The following MAGI2 variants were observed in gnomAD, a reference collection of about 807,000 sequenced individuals.
The protein encoded by MAGI2 is membrane-associated guanylate kinase, WW and PDZ domain-containing protein 2.
Under a neutral mutation model 133.3 loss-of-function variants are expected in MAGI2, and 35 were observed. The observed-to-expected ratio is 0.26, with a 90% CI of 0.20 to 0.35. The LOEUF is 0.35. MAGI2 is among the 10% of genes least tolerant of loss of function. MAGI2 has a pLI of 1.00. For missense variants in MAGI2, 1,636 were observed against 1,863.4 expected (o/e 0.88, Z 2.25); for synonymous variants, 729 against 710.6 (o/e 1.03, Z -0.41).
At chr7:78,349,191 T>C (rs1033281559) in intron 7 of MAGI2, among the ~76,000 whole-genome samples, 2 of 152,214 alleles carry the variant, frequency 1.3e-5, no homozygotes, top group Non-Finnish European at 2.9e-5. Context: ...ACAGGATACA[T>C]GTGTTATTTA....
chr7:78,625,332 ATAAAAT>A (rs1584887019), intron 3 of MAGI2, among the ~76,000 whole-genome samples: 1 of 152,142 alleles, frequency 6.6e-6, no homozygotes, highest in East Asian at 1.9e-4. Flanking sequence ...TATAGTAATT[ATAAAAT>A]TAAAACAATT....
intron 1 of MAGI2, among the ~76,000 whole-genome samples, chr7:79,327,703 ACT>A (rs1839798409): frequency 1.3e-5 from 2 of 152,160 alleles, no homozygotes; most frequent in East Asian, 3.9e-4. Flanking sequence ...ACTCACTCAC[ACT>A]CACACACACC....
chr7:78,643,000 C>T (rs781076217), intron 2 of MAGI2, among the ~76,000 whole-genome samples: 2 of 152,158 alleles, frequency 1.3e-5, no homozygotes, highest in Non-Finnish European at 2.9e-5. Flanking sequence ...ACTTGGCATT[C>T]AGATAGAATC....
intron 20 of MAGI2, among the ~76,000 whole-genome samples, chr7:78,108,372 A>C (rs1006580127): frequency 2.6e-5 from 4 of 152,172 alleles, no homozygotes; most frequent in African/African-American, 9.7e-5. Context: ...GAATTTTTTA[A>C]GACTTGTTTT....
chr7:78,233,604 A>G (rs2150881764), intron 10 of MAGI2, among the ~76,000 whole-genome samples: 1 of 152,278 alleles, frequency 6.6e-6, no homozygotes, highest in East Asian at 1.9e-4. Flanking sequence ...AGGATGAAAG[A>G]AAAGAGAAAA....
chr7:78,196,250 G>A (rs543814366), intron 11 of MAGI2, among the ~76,000 whole-genome samples: 2 of 150,734 alleles, frequency 1.3e-5, no homozygotes, highest in East Asian at 1.9e-4. Flanking sequence ...CTTGCTGACC[G>A]CCCTGTCCCT....
intron 1 of MAGI2, among the ~76,000 whole-genome samples, chr7:79,028,764 G>C (rs552437125): frequency 3.3e-5 from 5 of 152,150 alleles, no homozygotes; most frequent in Non-Finnish European, 7.4e-5. Context: ...ACTTTTAAAA[G>C]TCCAGGAATG....
chr7:78,338,558 C>T (rs540977446), intron 9 of MAGI2, among the ~76,000 whole-genome samples: 2 of 152,244 alleles, frequency 1.3e-5, no homozygotes, highest in South Asian at 4.1e-4. Context: ...TTTTGCATCC[C>T]TAGTAATTTG....
intron 1 of MAGI2, among the ~76,000 whole-genome samples, chr7:79,185,578 G>T (rs533198267): frequency 6.8e-6 from 1 of 147,382 alleles, no homozygotes; most frequent in Non-Finnish European, 1.5e-5. Context: ...ATTCAATGGC[G>T]TTTGCTAAAT....
At chr7:78,135,869 T>C (rs1822062854) in intron 16 of MAGI2, among the ~76,000 whole-genome samples, 3 of 152,206 alleles carry the variant, frequency 2.0e-5, no homozygotes, top group African/African-American at 7.2e-5. Flanking sequence ...TACATGGTGC[T>C]GATATCTTGC....
At chr7:78,296,338 G>A (rs932652988) in intron 9 of MAGI2, among the ~76,000 whole-genome samples, 2 of 152,140 alleles carry the variant, frequency 1.3e-5, no homozygotes, top group African/African-American at 4.8e-5. Context: ...GCCAAGCAAA[G>A]CATATCCTTA....
chr7:78,262,511 G>A (rs529536934), intron 9 of MAGI2, among the ~76,000 whole-genome samples: 1 of 152,172 alleles, frequency 6.6e-6, no homozygotes, highest in African/African-American at 2.4e-5. Context: ...CCCACTCATA[G>A]AGACAGAGCT....
intron 10 of MAGI2, among the ~76,000 whole-genome samples, chr7:78,240,065 T>C (rs979458291): frequency 3.9e-5 from 6 of 152,138 alleles, no homozygotes; most frequent in African/African-American, 1.4e-4. Context: ...ACATGTGCCA[T>C]GTTGGTTTGC....
At chr7:78,932,758 T>C (rs1800232346) in intron 2 of MAGI2, among the ~76,000 whole-genome samples, 1 of 152,144 alleles carries the variant, frequency 6.6e-6, no homozygotes, top group African/African-American at 2.4e-5. Context: ...CTGCTGATCA[T>C]GAAGTAGTGG....
At chr7:78,889,786 G>A (rs1642902) in intron 2 of MAGI2, among the ~76,000 whole-genome samples, 78,173 of 151,416 alleles carry the variant, frequency 0.52, 21,717 homozygotes, top group South Asian at 0.68. Context: ...GCCAAATTGT[G>A]AAGACCATTG....
intron 21 of MAGI2, among the ~76,000 whole-genome samples, chr7:78,059,777 A>ATATATAT (rs368179491): frequency 6.8e-6 from 1 of 146,086 alleles, no homozygotes; most frequent in South Asian, 2.2e-4. Flanking sequence ...ATATATATAT[A>ATATATAT]TTTTTTTTCT....
chr7:78,494,554 A>C (rs1381358381), intron 5 of MAGI2, among the ~76,000 whole-genome samples: 2 of 152,258 alleles, frequency 1.3e-5, no homozygotes, highest in Non-Finnish European at 2.9e-5. Context: ...TATATACATA[A>C]CTAGATCTTC....
chr7:79,352,405 T>C (rs1210211286), intron 1 of MAGI2, among the ~76,000 whole-genome samples: 1 of 152,254 alleles, frequency 6.6e-6, no homozygotes, highest in African/African-American at 2.4e-5. Context: ...CTAAAAGTCC[T>C]GGTTTTCTTG....
At chr7:78,871,464 A>C (rs548799191) in intron 2 of MAGI2, among the ~76,000 whole-genome samples, 22 of 152,138 alleles carry the variant, frequency 1.4e-4, no homozygotes, top group South Asian at 1.0e-3. Context: ...GTAATAAAAA[A>C]CCACCTGTTA....
Sources: allele counts gnomAD v4.1 joint callset (sites outside exome capture counted in the v4.1 genomes callset), GRCh38; gene constraint gnomAD v4.1.1; transcripts MANE v1.5; gene names NCBI Gene and HGNC (gene_info 2026-07-23, HGNC 2026-07-21).